NELL1: variants seen among roughly 807,000 people sequenced by gnomAD.
NELL1 encodes the protein neural EGFL like 1.
Under a neutral mutation model 107.4 loss-of-function variants are expected in NELL1, and 76 were observed. That is an observed-to-expected ratio of 0.71 (90% CI 0.59 to 0.86). The LOEUF is 0.86. NELL1 is among the 40% of genes least tolerant of loss of function. The pLI is 0.00. For missense variants in NELL1, 1,024 were observed against 1,005.5 expected (o/e 1.02, Z -0.25); for synonymous variants, 353 against 341.2 (o/e 1.03, Z -0.38).
At chr11:20,907,751 A>G (rs1019663669) in intron 5 of NELL1, among the ~76,000 whole-genome samples, 1 of 152,228 alleles carries the variant, frequency 6.6e-6, no homozygotes, top group African/African-American at 2.4e-5. Context: ...CAGCAAAAGA[A>G]ACTATCATCA....
chr11:21,073,368 A>T (rs1854060953), intron 12 of NELL1, among the ~76,000 whole-genome samples: 1 of 152,220 alleles, frequency 6.6e-6, no homozygotes, highest in Admixed American at 6.5e-5. Flanking sequence ...ACAGGTATAC[A>T]CCAATTTTGG....
At chr11:21,096,138 C>A (rs529285558) in intron 12 of NELL1, among the ~76,000 whole-genome samples, 1 of 152,334 alleles carries the variant, frequency 6.6e-6, no homozygotes, top group East Asian at 1.9e-4. Context: ...CCTTTGCCCA[C>A]TACCCAGATC....
chr11:20,947,470 G>A, intron 11 of NELL1, 35 bp downstream of exon 11: 1 of 1,501,646 alleles, frequency 6.7e-7, no homozygotes, highest in South Asian at 1.1e-5. Context: ...TGCGTGGGGT[G>A]AGGCTGGGGC....
chr11:21,343,891 A>G (rs1022576309), intron 14 of NELL1, among the ~76,000 whole-genome samples: 2 of 152,186 alleles, frequency 1.3e-5, no homozygotes, highest in African/African-American at 4.8e-5. Context: ...GGCTCAATCA[A>G]TGTTAATTGA....
At chr11:21,050,961 C>A (rs1853478115) in intron 12 of NELL1, among the ~76,000 whole-genome samples, 1 of 152,080 alleles carries the variant, frequency 6.6e-6, no homozygotes, top group Non-Finnish European at 1.5e-5. Flanking sequence ...GGAAACGGAT[C>A]CCAGGGTCAG....
intron 12 of NELL1, among the ~76,000 whole-genome samples, chr11:21,049,473 T>G (rs1340917741): frequency 6.6e-6 from 1 of 152,116 alleles, no homozygotes; most frequent in Non-Finnish European, 1.5e-5. Flanking sequence ...TTAGCCAACT[T>G]TAGTTGATTT....
At chr11:21,170,885 C>G (rs1176635599) in intron 13 of NELL1, among the ~76,000 whole-genome samples, 1 of 151,426 alleles carries the variant, frequency 6.6e-6, no homozygotes, top group African/African-American at 2.4e-5. Context: ...TTTCTTTTTA[C>G]TAACATGTTA....
At position 21,379,986 on chromosome 11, in the gene NELL1, T is replaced by C. The variant is rs567359193; in HGVS notation, c.1645+9038T>C. On this transcript the variant is annotated intron_variant, in intron 15 of 19. Coordinates refer to ENST00000357134, the MANE Select transcript of NELL1 (RefSeq NM_006157.5). ...CTTATTCCCCTCCCATAACAGAGAA[T>C]ACAATATTTATTCTATTTCCTCTCC... Among the ~76,000 whole-genome samples, 7 of 152,222 alleles carry C rather than the reference T, an allele frequency of 4.6e-5. No individual in the cohort carries two copies. The East Asian group carries it at 7.8e-4, about 17-fold the overall frequency.
At chr11:21,247,627 C>T (rs530883851) in intron 14 of NELL1, among the ~76,000 whole-genome samples, 2 of 152,214 alleles carry the variant, frequency 1.3e-5, no homozygotes, top group African/African-American at 2.4e-5. Flanking sequence ...GAAGGACCTA[C>T]GTGGGGTATT....
intron 13 of NELL1, among the ~76,000 whole-genome samples, chr11:21,176,891 G>A (rs917948347): frequency 2.0e-5 from 3 of 151,728 alleles, no homozygotes; most frequent in Admixed American, 6.6e-5. Context: ...GTTAAGGGAT[G>A]TTAATGCACT....
At chr11:20,704,364 T>A (rs186743072) in intron 2 of NELL1, among the ~76,000 whole-genome samples, 225 of 152,322 alleles carry the variant, frequency 1.5e-3, no homozygotes, top group African/African-American at 5.1e-3. Context: ...TTGGCAGATC[T>A]TCCTCCATCC....
chr11:21,089,660 G>A (rs541384199), intron 12 of NELL1, among the ~76,000 whole-genome samples: 12 of 152,334 alleles, frequency 7.9e-5, no homozygotes, highest in Non-Finnish European at 1.5e-4. Flanking sequence ...ATATCAGAAA[G>A]GAGAGTAAGT....
intron 2 of NELL1, among the ~76,000 whole-genome samples, chr11:20,725,242 C>T (rs947841220): frequency 6.6e-6 from 1 of 152,238 alleles, no homozygotes; most frequent in African/African-American, 2.4e-5. Context: ...TGACTCCCAA[C>T]TACTATTGTT....
chr11:21,278,919 T>C (rs1313735421), intron 14 of NELL1, among the ~76,000 whole-genome samples: 1 of 152,098 alleles, frequency 6.6e-6, no homozygotes, highest in African/African-American at 2.4e-5. Flanking sequence ...GTAGTACTGA[T>C]GAAGAATAGA....
chr11:20,779,661 T>C (rs1350972911), intron 2 of NELL1, among the ~76,000 whole-genome samples: 2 of 152,182 alleles, frequency 1.3e-5, no homozygotes, highest in Admixed American at 1.3e-4. Flanking sequence ...CAACTTTATG[T>C]TTTATGTTAA....
chr11:20,972,433 A>T (rs1018426894), intron 12 of NELL1, among the ~76,000 whole-genome samples: 15 of 152,126 alleles, frequency 9.9e-5, no homozygotes, highest in Admixed American at 3.3e-4. Context: ...GGGTTGAAAG[A>T]TCAGGACTAC....
rs77625362 is a variant in NELL1 at position 21,459,399 on chromosome 11, G to C, written c.1646-74975G>C. ...GGATTTGAAAACTTTGAAGATGTTG[G>C]CAATAAATGAAGCTGAATGGATCTA... is the stretch of plus-strand genomic sequence containing the variant. On this transcript the variant is annotated intron_variant, in intron 15 of 19. Coordinates refer to ENST00000357134, the MANE Select transcript of NELL1 (RefSeq NM_006157.5). 5.2e-3 allele frequency among the ~76,000 whole-genome samples: 774 copies of C among 150,262 alleles called. 7 individuals carry two copies. The highest frequency in any genetic ancestry group is 0.018 in the African/African-American group (741 of 40,766).
chr11:20,847,055 C>T (rs1477773160), intron 3 of NELL1, among the ~76,000 whole-genome samples: 1 of 152,130 alleles, frequency 6.6e-6, no homozygotes, highest in Non-Finnish European at 1.5e-5. Flanking sequence ...ACCTTTTCTC[C>T]CCTACTCATT....
At chr11:20,923,294 A>G (rs1007408443) in intron 7 of NELL1, among the ~76,000 whole-genome samples, 40 of 152,202 alleles carry the variant, frequency 2.6e-4, no homozygotes, top group African/African-American at 8.9e-4. Context: ...AGGGTTAGGC[A>G]TGCTGGCAAG....
Sources: gnomAD v4.1 joint callset for allele counts (sites outside exome capture counted in the v4.1 genomes callset) on GRCh38, gnomAD v4.1.1 for gene constraint, MANE v1.5 for transcripts, NCBI Gene and HGNC (gene_info 2026-07-23, HGNC 2026-07-21) for gene names.